The following MEIS1 variants were observed in gnomAD, a reference collection of about 807,000 sequenced individuals.
The protein encoded by MEIS1 is homeobox protein Meis1.
In MEIS1, 5 loss-of-function variants were observed where a neutral mutation model predicts 50.8. That is an observed-to-expected ratio of 0.10 (90% confidence interval 0.05 to 0.21). MEIS1 has a LOEUF of 0.21. Ranked by LOEUF, MEIS1 falls within the 10% of genes least tolerant of loss-of-function variation. MEIS1 has a pLI of 1.00. For synonymous variants in MEIS1, 176 were observed against 179.3 expected (o/e 0.98, Z 0.15); for missense variants, 318 against 517.3 (o/e 0.61, Z 3.74).
intron 9 of MEIS1, among the ~76,000 whole-genome samples, chr2:66,552,096 T>G (rs1674936276): frequency 6.6e-6 from 1 of 151,808 alleles, no homozygotes; most frequent in Non-Finnish European, 1.5e-5. Flanking sequence ...ATAGACCAAC[T>G]TAATTTTTTT....
At chr2:66,437,650 T>C (rs1671833165) in intron 1 of MEIS1, 87 bp from the exon 2 acceptor site, 2 of 1,192,656 alleles carry the variant, frequency 1.7e-6, no homozygotes, top group East Asian at 4.9e-5. Context: ...CCAGCTGTAT[T>C]GACCTTATAT....
intron 4 of MEIS1, chr2:66,440,828 G>T: frequency 1.7e-6 from 1 of 572,446 alleles, no homozygotes; most frequent in Non-Finnish European, 3.1e-6. Flanking sequence ...CCAGCGCGGG[G>T]AAACGCGAGC....
intron 6 of MEIS1, among the ~76,000 whole-genome samples, chr2:66,447,785 G>C (rs1474181289): frequency 6.6e-6 from 1 of 152,086 alleles, no homozygotes; most frequent in Non-Finnish European, 1.5e-5. Flanking sequence ...AAGTCTAAAC[G>C]CTAATACTAC....
At chr2:66,441,126 G>A in intron 4 of MEIS1, 1 of 420,282 alleles carries the variant, frequency 2.4e-6, no homozygotes, top group Non-Finnish European at 4.1e-6. Flanking sequence ...GCCCTTTTGG[G>A]GTGGGGTGGG....
chr2:66,524,058 C>T (rs539861932), intron 8 of MEIS1, among the ~76,000 whole-genome samples: 6 of 152,244 alleles, frequency 3.9e-5, no homozygotes, highest in East Asian at 1.9e-4. Context: ...CTCTTATGAT[C>T]GAAATAAAAT....
chr2:66,510,391 CCAGT>C (rs926792336), intron 7 of MEIS1, among the ~76,000 whole-genome samples: 2 of 151,966 alleles, frequency 1.3e-5, no homozygotes, highest in African/African-American at 4.8e-5. Flanking sequence ...TGACCTTGGC[CCAGT>C]CAGAGAACAT....
In MEIS1 at chr2:66,478,115, A is replaced by G. The variant is rs560368937; in HGVS notation, c.742+13895A>G. Among the ~76,000 whole-genome samples the G allele has an allele frequency of 2.6e-5, 4 of 152,172 alleles. No individual in the cohort carries two copies. In the East Asian group the frequency reaches 5.8e-4, roughly 22 times the overall value. On this transcript the variant is annotated intron_variant, in intron 7 of 12. Coordinates refer to ENST00000272369, the MANE Select transcript of MEIS1 (RefSeq NM_002398.3). ...ATTTCTTGTTTTGTTTTTAGTTTTTACTTTCTTCCCCAAGATGTGGGTTTA... is the reference window on the plus strand; with the variant it reads ...ATTTCTTGTTTTGTTTTTAGTTTTTGCTTTCTTCCCCAAGATGTGGGTTTA...
chr2:66,501,976 A>G lies in MEIS1; in HGVS notation c.743-10173A>G, dbSNP rs181022811. 7.9e-3 allele frequency among the ~76,000 whole-genome samples: 1,206 copies of G among 151,924 alleles called. 16 individuals are homozygous for G. Among genetic ancestry groups the G allele is most frequent in the African/African-American group, 0.028 (1,145 of 41,404 alleles). On this transcript the variant is annotated intron_variant, in intron 7 of 12. Transcript: ENST00000272369. ...CCCAGTTATGTTTTATACATTATTT[A>G]TGTTGAAAGTGAAGTGATAGAAGCT...
chr2:66,503,288 C>G (rs939307018), intron 7 of MEIS1, among the ~76,000 whole-genome samples: 1 of 152,202 alleles, frequency 6.6e-6, no homozygotes, highest in Non-Finnish European at 1.5e-5. Context: ...GCTCCTCTTA[C>G]CTCTCCAGCC....
chr2:66,461,088 G>A (rs976649306), intron 6 of MEIS1, among the ~76,000 whole-genome samples: 1 of 151,976 alleles, frequency 6.6e-6, no homozygotes, highest in African/African-American at 2.4e-5. Flanking sequence ...CCATGACTAA[G>A]GTTTTTTATT....
intron 7 of MEIS1, among the ~76,000 whole-genome samples, chr2:66,473,377 T>TAAAAA (rs1672809161): frequency 2.1e-5 from 1 of 47,400 alleles, no homozygotes; most frequent in African/African-American, 1.9e-4. Flanking sequence ...AGACTCCATG[T>TAAAAA]CAAAAAAAAA....
chr2:66,494,132 A>G (rs560662803), intron 7 of MEIS1, among the ~76,000 whole-genome samples: 2 of 152,340 alleles, frequency 1.3e-5, no homozygotes, highest in Admixed American at 6.5e-5. Flanking sequence ...AAAGAGTGGC[A>G]TGATCTCAAA....
At chr2:66,504,893 G>A (rs1282863645) in intron 7 of MEIS1, among the ~76,000 whole-genome samples, 1 of 152,132 alleles carries the variant, frequency 6.6e-6, no homozygotes, top group Admixed American at 6.5e-5. Context: ...ATGAGAATAT[G>A]CCTTCTTTTG....
chr2:66,459,976 A>G (rs1312689103), intron 6 of MEIS1, among the ~76,000 whole-genome samples: 1 of 152,168 alleles, frequency 6.6e-6, no homozygotes, highest in Non-Finnish European at 1.5e-5. Context: ...AAATCAAACC[A>G]CTGTGGAGGA....
At chr2:66,437,677 C>A (rs1235276201) in intron 1 of MEIS1, 60 bp from the exon 2 acceptor site, 16 of 1,503,774 alleles carry the variant, frequency 1.1e-5, no homozygotes, top group Non-Finnish European at 1.3e-5. Context: ...GGTGCCTTGC[C>A]GTTCTCCCAT....
At chr2:66,525,913 G>A (rs1052425624) in intron 8 of MEIS1, among the ~76,000 whole-genome samples, 4 of 152,226 alleles carry the variant, frequency 2.6e-5, no homozygotes, top group African/African-American at 9.6e-5. Context: ...TGCAGATCAG[G>A]TAGCCTTTGT....
chr2:66,481,108 T>G (rs1314380170), intron 7 of MEIS1, among the ~76,000 whole-genome samples: 1 of 152,206 alleles, frequency 6.6e-6, no homozygotes, highest in Non-Finnish European at 1.5e-5. Flanking sequence ...TCAGGCATCC[T>G]GATCCCCTGC....
chr2:66,525,172 C>A (rs1473316276), intron 8 of MEIS1, among the ~76,000 whole-genome samples: 1 of 152,196 alleles, frequency 6.6e-6, no homozygotes, highest in Non-Finnish European at 1.5e-5. Flanking sequence ...AAGATCACTC[C>A]ACTGCACTCC....
chr2:66,559,331 T>C (rs1358823910), intron 9 of MEIS1, among the ~76,000 whole-genome samples: 2 of 152,236 alleles, frequency 1.3e-5, no homozygotes, highest in East Asian at 3.8e-4. Flanking sequence ...TCATGGTTTA[T>C]GCCTGTTGCC....
Sources: gnomAD v4.1 joint callset for allele counts (sites outside exome capture counted in the v4.1 genomes callset) on GRCh38, gnomAD v4.1.1 for gene constraint, MANE v1.5 for transcripts, NCBI Gene and HGNC (gene_info 2026-07-23, HGNC 2026-07-21) for gene names.